Variants in APLF observed in about 807,000 individuals in gnomAD.
The protein encoded by APLF is aprataxin and PNK-like factor.
APLF carries 61 observed loss-of-function variants against 55.6 expected under a neutral mutation model. That is an observed-to-expected ratio of 1.10 (90% CI 0.89 to 1.36). The LOEUF (loss-of-function observed/expected upper bound fraction) is 1.36. Ranked by LOEUF, APLF falls within the 40% of genes most tolerant of loss-of-function variation. APLF has a pLI of 0.00. For missense variants in APLF, 611 were observed against 602.5 expected (o/e 1.01, Z -0.15); for synonymous variants, 207 against 214.8 (o/e 0.96, Z 0.32).
chr2:68,469,599 G>A (rs116810648), intron 1 of APLF, among the ~76,000 whole-genome samples: 1,615 of 152,300 alleles, frequency 0.011, 34 homozygotes, highest in African/African-American at 0.037. Flanking sequence ...CATCCTAAGT[G>A]TGTTAAAGGA....
Position 68,467,807 on chromosome 2 carries a change from G to C in APLF, c.76G>C (p.Gly26Arg). The C allele has an allele frequency of 8.1e-7, 1 of 1,233,570 alleles. No homozygotes were observed. Among genetic ancestry groups the C allele is most frequent in the Non-Finnish European group, 1.0e-6 (1 of 988,128 alleles). The allele number at this position is 1,233,570 out of a possible 1,614,324, so 76.4% of individuals were successfully genotyped here. A position where few individuals can be genotyped will look rare whatever the true frequency, so the allele number is the denominator to read the frequency against. ...VALAPGETVI[G>R]RGPLLGITDK... ...CCTGGCGCCCGGGGAGACGGTGATC[G>C]GCCGCGGGCCGCTGCTGGGAGTAAG... The change falls in exon 1 of 10, where the codon GGC becomes CGC. Residue 26 changes from glycine (G) to arginine (R), a missense_variant. Physicochemically the swap from Gly to Arg is moderately radical, Grantham distance 125 (BLOSUM62 -2). Coordinates refer to ENST00000303795, the MANE Select transcript of APLF (RefSeq NM_173545.3).
At chr2:68,480,504 A>T (rs1290725430) in intron 1 of APLF, among the ~76,000 whole-genome samples, 1 of 151,608 alleles carries the variant, frequency 6.6e-6, no homozygotes, top group Non-Finnish European at 1.5e-5. Flanking sequence ...AGGTTTCACC[A>T]TCTTGGCCAG....
chr2:68,576,268 C>G (rs1388903671), intron 9 of APLF, among the ~76,000 whole-genome samples: 1 of 152,056 alleles, frequency 6.6e-6, no homozygotes, highest in Admixed American at 6.6e-5. Flanking sequence ...CTTCTCATTC[C>G]CTTTCCCGAC....
chr2:68,520,862 T>C (rs1669878622), intron 5 of APLF, among the ~76,000 whole-genome samples: 2 of 151,952 alleles, frequency 1.3e-5, no homozygotes, highest in Admixed American at 6.6e-5. Flanking sequence ...AGAATGATGG[T>C]GGTATTTTGA....
At chr2:68,519,026 T>C (rs1669798254) in intron 5 of APLF, among the ~76,000 whole-genome samples, 1 of 124,922 alleles carries the variant, frequency 8.0e-6, no homozygotes. Flanking sequence ...TAATATATAA[T>C]ATATGATTAA....
rs1235679269 is a variant in APLF, at chr2:68,517,199, A to T, written c.622+3519A>T. 2.4e-5 allele frequency among the ~76,000 whole-genome samples: 3 copies of T among 125,490 alleles called. No individual in the cohort carries two copies. In the East Asian group the frequency reaches 6.8e-4, roughly 28 times the overall value. The allele number at this position is 125,490 out of a possible 152,430, so 82.3% of individuals were successfully genotyped here. A position where few individuals can be genotyped will look rare whatever the true frequency, so the allele number is the denominator to read the frequency against. On this transcript the variant is annotated intron_variant, in intron 5 of 9. Coordinates refer to ENST00000303795, the MANE Select transcript of APLF (RefSeq NM_173545.3). ...TAATAATGTTATTGATACATAATAT[A>T]TTAATATATGTTATTGATATATATA...
In APLF at chr2:68,561,904, C is replaced by G. The variant is rs189222631; in HGVS notation, c.1287-5437C>G. Among the ~76,000 whole-genome samples the G allele has an allele frequency of 3.7e-3, 556 of 151,942 alleles. 6 individuals are homozygous for G. In the Middle Eastern group the frequency reaches 0.037, roughly 10 times the overall value. On this transcript the variant is annotated intron_variant, in intron 8 of 9. Transcript: ENST00000303795. ...GCATTAACTCGAGAAAGTTTTAGTC[C>G]AGAAATTATTAGAAACTGTTTTTTG...
intron 8 of APLF, chr2:68,562,946 A>T: frequency 4.7e-6 from 2 of 422,690 alleles, no homozygotes; most frequent in Non-Finnish European, 6.3e-6. Context: ...TTTTCTTGTT[A>T]AAGTCCATCT....
chr2:68,468,728 G>T (rs778283933), intron 1 of APLF, among the ~76,000 whole-genome samples: 2 of 152,180 alleles, frequency 1.3e-5, no homozygotes, highest in Non-Finnish European at 2.9e-5. Flanking sequence ...TGCTCACTGT[G>T]TAGAACATTT....
chr2:68,562,726 A>G (rs1349014452), intron 8 of APLF, among the ~76,000 whole-genome samples: 1 of 152,082 alleles, frequency 6.6e-6, no homozygotes, highest in African/African-American at 2.4e-5. Context: ...AAGAATCACA[A>G]AGTACTCCCC....
intron 2 of APLF, among the ~76,000 whole-genome samples, chr2:68,493,934 C>A (rs1676453098): frequency 6.6e-6 from 1 of 152,010 alleles, no homozygotes; most frequent in African/African-American, 2.4e-5. Context: ...TGGTGAAACC[C>A]CGTCTCTACT....
chr2:68,578,189 TATA>T lies in APLF; in HGVS notation c.*171_*173del, dbSNP rs1671670997. On this transcript the variant is annotated 3_prime_UTR_variant, in exon 10 of 10. Transcript: ENST00000303795. Reference sequence around the variant, plus strand: ...GAGACATTGAAACGTCAGCCTTCAGTATAATAGATGGAATTTTTTGTTGCCTTG... The same window carrying T: ...GAGACATTGAAACGTCAGCCTTCAGTATAGATGGAATTTTTTGTTGCCTTG... The T allele has an allele frequency of 7.3e-7, 1 of 1,372,372 alleles. No homozygotes were observed. Among genetic ancestry groups the T allele is most frequent in the Admixed American group, 3.2e-5 (1 of 31,124 alleles). 85.0% of individuals were successfully genotyped at this position (1,372,372 alleles called of 1,614,324 possible). A position where few individuals can be genotyped will look rare whatever the true frequency, so the allele number is the denominator to read the frequency against.
chr2:68,513,439 T>C (rs1309814313), intron 4 of APLF, 109 bp from the exon 5 acceptor site: 1 of 1,329,442 alleles, frequency 7.5e-7, no homozygotes, highest in African/African-American at 1.5e-5. Context: ...ATGAACTCAG[T>C]CTACAGTTGC....
At chr2:68,492,123 T>C (rs1376938349) in intron 2 of APLF, among the ~76,000 whole-genome samples, 2 of 152,110 alleles carry the variant, frequency 1.3e-5, no homozygotes, top group Non-Finnish European at 2.9e-5. Flanking sequence ...TTAGTTGGAG[T>C]TGTGTCTATA....
At chr2:68,487,515 A>G (rs1019926311) in intron 1 of APLF, among the ~76,000 whole-genome samples, 28 of 152,130 alleles carry the variant, frequency 1.8e-4, no homozygotes, top group Non-Finnish European at 1.5e-4. Flanking sequence ...TTTTGTGAAG[A>G]CTGAAAAAGA....
intron 3 of APLF, among the ~76,000 whole-genome samples, chr2:68,512,051 A>G (rs937883168): frequency 6.6e-6 from 1 of 151,754 alleles, no homozygotes; most frequent in Non-Finnish European, 1.5e-5. Context: ...TTCACATTTA[A>G]TGAGGACAAT....
chr2:68,509,209 A>C (rs562581771), intron 3 of APLF, among the ~76,000 whole-genome samples: 2 of 152,282 alleles, frequency 1.3e-5, no homozygotes, highest in Admixed American at 6.5e-5. Context: ...ACAAAAGCCA[A>C]AATTGACAAA....
At chr2:68,515,335 T>C (rs936537640) in intron 5 of APLF, among the ~76,000 whole-genome samples, 9 of 151,428 alleles carry the variant, frequency 5.9e-5, no homozygotes, top group African/African-American at 2.2e-4. Context: ...GTGTATGTGT[T>C]GATCCTCAAT....
chr2:68,545,360 G>GTTTCTC, intron 8 of APLF, 48 bp downstream of exon 8: 3 of 1,573,982 alleles, frequency 1.9e-6, no homozygotes, highest in Non-Finnish European at 2.6e-6. Context: ...TCTTATCTCT[G>GTTTCTC]TTACTTATCT....
Sources: allele counts gnomAD v4.1 joint callset (sites outside exome capture counted in the v4.1 genomes callset), GRCh38; gene constraint gnomAD v4.1.1; transcripts MANE v1.5; gene names NCBI Gene and HGNC (gene_info 2026-07-23, HGNC 2026-07-21).